The following ZC3H12B variants were observed in gnomAD, a reference collection of about 807,000 sequenced individuals.
ZC3H12B encodes zinc finger CCCH-type containing 12B.
A neutral mutation model predicts 43.9 loss-of-function variants in ZC3H12B; 7 were observed. That is an observed-to-expected ratio of 0.16 (90% CI 0.09 to 0.30). The LOEUF (loss-of-function observed/expected upper bound fraction) is 0.30. Ranked by LOEUF, ZC3H12B falls within the 10% of genes least tolerant of loss-of-function variation. The pLI is 1.00. For missense variants in ZC3H12B, 475 were observed against 670.2 expected, an observed-to-expected ratio of 0.71 and a Z score of 3.22; for synonymous variants, 222 against 241.7, an observed-to-expected ratio of 0.92 and a Z score of 0.76.
chrX:65,424,435 T>C (rs1286270642), intron 3 of ZC3H12B, among the ~76,000 whole-genome samples: 2 of 112,260 alleles, frequency 1.8e-5, no homozygotes, highest in African/African-American at 3.2e-5. Context: ...ACTTTGGTGA[T>C]AGCTTCTTTT....
chrX:65,343,511 A>T, the ZC3H12B span, among the ~76,000 whole-genome samples: 3 of 111,989 alleles, frequency 2.7e-5, no homozygotes, highest in Admixed American at 2.8e-4. Flanking sequence ...TGGAATAAAC[A>T]GTTGGTTCAC....
At chrX:65,367,130 C>A (rs2066184083) in intron 1 of ZC3H12B, among the ~76,000 whole-genome samples, 1 of 111,862 alleles carries the variant, frequency 8.9e-6, no homozygotes, top group Non-Finnish European at 1.9e-5. Flanking sequence ...GTGGAGGCAA[C>A]TTGTGACCCT....
At chrX:65,148,950 T>C in the ZC3H12B span, among the ~76,000 whole-genome samples, 6 of 111,743 alleles carry the variant, frequency 5.4e-5, no homozygotes, top group East Asian at 2.8e-4. Context: ...CTCTCTCTCT[T>C]TTTTTATTTT....
the ZC3H12B span, among the ~76,000 whole-genome samples, chrX:65,192,814 A>C: frequency 2.8e-5 from 3 of 107,204 alleles, no homozygotes; most frequent in African/African-American, 1.1e-4. Context: ...ATTGTTTTTG[A>C]GATGGAGTCT....
intron 3 of ZC3H12B, among the ~76,000 whole-genome samples, chrX:65,423,426 G>C (rs1015690408): frequency 7.8e-4 from 88 of 112,206 alleles, no homozygotes; most frequent in African/African-American, 2.5e-3. Flanking sequence ...GATCATTGAG[G>C]AATCACCACA....
rs189026670 is a variant in ZC3H12B, at chrX:65,450,850, T to G, written n.408-37796T>G. Among the ~76,000 whole-genome samples, 324 of 69,935 alleles carry G rather than the reference T, an allele frequency of 4.6e-3. 2 individuals carry two copies. The highest frequency in any genetic ancestry group is 6.3e-3 in the Non-Finnish European group (289 of 45,533). 60.7% of individuals were successfully genotyped at this position (69,935 alleles called of 115,157 possible). A position where few individuals can be genotyped will look rare whatever the true frequency, so the allele number is the denominator to read the frequency against. On this transcript the variant is annotated intron_variant and non_coding_transcript_variant, in intron 3 of 5. Transcript: ENST00000617377. ...ACATATGTGTATATATGTATATATA[T>G]ACATATGTGTATATATGTATATATA...
chrX:65,381,569 C>A (rs1217458142), intron 2 of ZC3H12B, among the ~76,000 whole-genome samples: 1 of 111,135 alleles, frequency 9.0e-6, no homozygotes, highest in Non-Finnish European at 1.9e-5. Flanking sequence ...CAAACACATT[C>A]AAAAGCTAGC....
chrX:65,149,809 T>C, the ZC3H12B span, among the ~76,000 whole-genome samples: 2 of 89,131 alleles, frequency 2.2e-5, no homozygotes, highest in Middle Eastern at 5.1e-3. Flanking sequence ...ATAATAATAA[T>C]AATAATAAAT....
At chrX:65,175,001 T>C in the ZC3H12B span, among the ~76,000 whole-genome samples, 8 of 112,287 alleles carry the variant, frequency 7.1e-5, no homozygotes, top group South Asian at 3.7e-4. Context: ...GGGTTTGTGC[T>C]TGAAACCCAG....
the ZC3H12B span, among the ~76,000 whole-genome samples, chrX:65,043,308 A>T: frequency 9.0e-6 from 1 of 110,961 alleles, no homozygotes; most frequent in African/African-American, 3.3e-5. Flanking sequence ...AAAAAAAAGC[A>T]AAGTAGAGCA....
the ZC3H12B span, among the ~76,000 whole-genome samples, chrX:65,136,381 G>T: frequency 9.0e-6 from 1 of 110,939 alleles, no homozygotes; most frequent in African/African-American, 3.3e-5. Flanking sequence ...GTTTATTACT[G>T]GCTGATGAGA....
At chrX:65,162,415 A>T in the ZC3H12B span, among the ~76,000 whole-genome samples, 1 of 111,922 alleles carries the variant, frequency 8.9e-6, no homozygotes, top group Non-Finnish European at 1.9e-5. Flanking sequence ...AATCAGACGT[A>T]GATTTGGTCT....
chrX:65,282,456 G>C, the ZC3H12B span, among the ~76,000 whole-genome samples: 1 of 111,579 alleles, frequency 9.0e-6, no homozygotes, highest in Non-Finnish European at 1.9e-5. Flanking sequence ...AAAATAAAAG[G>C]CATCTAAGTC....
chrX:65,491,303 G>T (rs1266380177), intron 1 of ZC3H12B, among the ~76,000 whole-genome samples: 1 of 111,909 alleles, frequency 8.9e-6, no homozygotes, highest in East Asian at 2.8e-4. Context: ...CAGAGAGTTT[G>T]AATAACTACC....
the ZC3H12B span, among the ~76,000 whole-genome samples, chrX:65,236,156 GTT>G: frequency 3.6e-5 from 4 of 111,930 alleles, no homozygotes; most frequent in Non-Finnish European, 7.5e-5. Context: ...AGGGATAGAA[GTT>G]TTCACTCTGA....
the ZC3H12B span, among the ~76,000 whole-genome samples, chrX:65,170,851 C>T: frequency 1.8e-5 from 2 of 112,091 alleles, no homozygotes; most frequent in Non-Finnish European, 3.8e-5. Context: ...GTGCATGCGT[C>T]ACCTAGTTCT....
At chrX:65,142,374 T>G in the ZC3H12B span, among the ~76,000 whole-genome samples, 1 of 112,178 alleles carries the variant, frequency 8.9e-6, no homozygotes, top group Non-Finnish European at 1.9e-5. Flanking sequence ...TGTTAATTTG[T>G]TTGAGTTCAT....
At chrX:65,258,352 T>A in the ZC3H12B span, among the ~76,000 whole-genome samples, 1 of 111,913 alleles carries the variant, frequency 8.9e-6, no homozygotes, top group Admixed American at 9.5e-5. Flanking sequence ...AAAAGGCTTT[T>A]GATAAAATTC....
At chrX:65,461,067 A>G (rs1239310083) in intron 3 of ZC3H12B, among the ~76,000 whole-genome samples, 1 of 112,523 alleles carries the variant, frequency 8.9e-6, no homozygotes, top group African/African-American at 3.2e-5. Flanking sequence ...ACAATTTTCA[A>G]AAGAAGACAT....
Sources: gnomAD v4.1 joint callset for allele counts (sites outside exome capture counted in the v4.1 genomes callset) on GRCh38, gnomAD v4.1.1 for gene constraint, MANE v1.5 for transcripts, NCBI Gene and HGNC (gene_info 2026-07-23, HGNC 2026-07-21) for gene names.